The following PLD1 variants were observed in gnomAD, a reference collection of about 807,000 sequenced individuals.
PLD1 encodes the protein phospholipase D1.
Under a neutral mutation model 137.1 loss-of-function variants are expected in PLD1, and 112 were observed. That is an observed-to-expected ratio of 0.82 (90% CI 0.70 to 0.96). PLD1 has a LOEUF of 0.96. Ranked by LOEUF, PLD1 falls within the 40% of genes least tolerant of loss-of-function variation. The pLI is 0.00. For synonymous variants in PLD1, 431 were observed against 454.7 expected (o/e 0.95, Z 0.66); for missense variants, 1,321 against 1,342.0 (o/e 0.98, Z 0.24).
chr3:171,722,403 A>G (rs1349520424), intron 8 of PLD1, among the ~76,000 whole-genome samples: 1 of 152,190 alleles, frequency 6.6e-6, no homozygotes, highest in Non-Finnish European at 1.5e-5. Context: ...TTGTATAACC[A>G]TCACCACTAT....
At position 171,659,208 on chromosome 3, in the gene PLD1, G is replaced by GT; in HGVS notation, c.2429+4dup. 6.3e-7 allele frequency: 1 copy of GT among 1,596,380 alleles called. No homozygotes were observed. The highest frequency in any genetic ancestry group is 8.6e-7 in the Non-Finnish European group (1 of 1,163,780). ...CAGCGAGAACTCTCAGCCAAAGGCT[G>GT]TTACCTGTGAGCTTTCAGGATCCTC... On this transcript the variant is annotated splice_donor_region_variant and intron_variant, in intron 21 of 26. Coordinates refer to ENST00000351298, the MANE Select transcript of PLD1 (RefSeq NM_002662.5).
chr3:171,673,735 T>C (rs1560202700), intron 19 of PLD1, among the ~76,000 whole-genome samples: 4 of 152,252 alleles, frequency 2.6e-5, no homozygotes, highest in Non-Finnish European at 4.4e-5. Context: ...TCCCTACTGA[T>C]GGTCCCTACT....
chr3:171,787,844 T>C (rs1343645069), intron 1 of PLD1, among the ~76,000 whole-genome samples: 1 of 151,986 alleles, frequency 6.6e-6, no homozygotes, highest in Non-Finnish European at 1.5e-5. Flanking sequence ...CTTGGTTTTT[T>C]TTAAGAAAAA....
At chr3:171,762,588 T>C (rs894539645) in intron 1 of PLD1, among the ~76,000 whole-genome samples, 6 of 152,140 alleles carry the variant, frequency 3.9e-5, no homozygotes, top group African/African-American at 1.4e-4. Flanking sequence ...AGGTTGCCGC[T>C]GATAAAGCAC....
intron 11 of PLD1, among the ~76,000 whole-genome samples, chr3:171,700,301 G>A (rs542482960): frequency 6.8e-6 from 1 of 147,648 alleles, no homozygotes; most frequent in South Asian, 2.1e-4. Flanking sequence ...TTTCCTCCCT[G>A]AAACACACAC....
intron 6 of PLD1, among the ~76,000 whole-genome samples, chr3:171,731,623 T>C (rs1159315502): frequency 6.6e-6 from 1 of 151,870 alleles, no homozygotes; most frequent in Non-Finnish European, 1.5e-5. Context: ...CTACTAAAAA[T>C]ACAAAAATTT....
At chr3:171,630,905 C>T (rs1343399811) in intron 23 of PLD1, among the ~76,000 whole-genome samples, 1 of 150,500 alleles carries the variant, frequency 6.6e-6, no homozygotes. Flanking sequence ...GGGAGATATA[C>T]CTAATGCTAA....
intron 16 of PLD1, among the ~76,000 whole-genome samples, chr3:171,678,083 C>T (rs1430668408): frequency 1.4e-5 from 2 of 139,484 alleles, no homozygotes; most frequent in Admixed American, 7.3e-5. Context: ...GTGGGAAGGG[C>T]GGGGAGGGGA....
At chr3:171,795,002 G>A (rs1723375370) in intron 1 of PLD1, among the ~76,000 whole-genome samples, 1 of 152,158 alleles carries the variant, frequency 6.6e-6, no homozygotes, top group Non-Finnish European at 1.5e-5. Flanking sequence ...ACATTTTCTG[G>A]AGAGCTGGTT....
intron 22 of PLD1, 61 bp downstream of exon 22, chr3:171,644,849 T>G: frequency 1.1e-6 from 1 of 945,620 alleles, no homozygotes; most frequent in Non-Finnish European, 1.8e-6. Flanking sequence ...TGCCATTCCC[T>G]TCATCAGCTT....
chr3:171,688,748 G>A lies in PLD1; in HGVS notation c.1467C>T (p.Asp489=). ...GIDLAYGRWD[D]NEHRLTDVGS... is the part of the protein sequence containing the mutation. Reference sequence around the variant, plus strand: ...CCACGTCTGTGAGTCTGTGCTCATTGTCGTCCCACCTTCCATAGGCCAGGT... The same window carrying A: ...CCACGTCTGTGAGTCTGTGCTCATTATCGTCCCACCTTCCATAGGCCAGGT... Residue 489 remains aspartate, a synonymous_variant, in exon 14 of 27, where the codon GAC becomes GAT. Coordinates refer to ENST00000351298, the MANE Select transcript of PLD1 (RefSeq NM_002662.5). The A allele has an allele frequency of 6.2e-7, 1 of 1,614,118 alleles. No individual in the cohort carries two copies. Among genetic ancestry groups the A allele is most frequent in the South Asian group, 1.1e-5 (1 of 91,086 alleles).
intron 19 of PLD1, among the ~76,000 whole-genome samples, chr3:171,671,442 C>T (rs760747568): frequency 1.4e-4 from 21 of 152,126 alleles, no homozygotes; most frequent in Non-Finnish European, 2.9e-5. Context: ...TCGTGATGTC[C>T]CTTTGTCTCT....
At chr3:171,650,856 G>A (rs140921979) in intron 21 of PLD1, among the ~76,000 whole-genome samples, 57 of 152,054 alleles carry the variant, frequency 3.7e-4, no homozygotes, top group Non-Finnish European at 5.3e-4. Flanking sequence ...CCAAAATCGC[G>A]GCACTGCACT....
chr3:171,781,109 A>AAAT (rs1722780636), intron 1 of PLD1, among the ~76,000 whole-genome samples: 1 of 152,222 alleles, frequency 6.6e-6, no homozygotes, highest in Non-Finnish European at 1.5e-5. Flanking sequence ...GTACTAGTAC[A>AAAT]GGATCAACAA....
intron 1 of PLD1, among the ~76,000 whole-genome samples, chr3:171,791,006 A>G (rs978440299): frequency 6.6e-6 from 1 of 152,248 alleles, no homozygotes; most frequent in Non-Finnish European, 1.5e-5. Context: ...TGCTATGTAC[A>G]TAGGACACAT....
chr3:171,691,769 G>A (rs1167903636), intron 13 of PLD1, among the ~76,000 whole-genome samples: 1 of 152,080 alleles, frequency 6.6e-6, no homozygotes, highest in African/African-American at 2.4e-5. Flanking sequence ...CATATTTTAA[G>A]CCTGCTGGAG....
At chr3:171,625,045 A>C (rs868859108) in intron 23 of PLD1, among the ~76,000 whole-genome samples, 1 of 151,962 alleles carries the variant, frequency 6.6e-6, no homozygotes, top group South Asian at 2.1e-4. Flanking sequence ...ATTCAAAAAA[A>C]TAATCAAGAG....
intron 23 of PLD1, among the ~76,000 whole-genome samples, chr3:171,628,561 A>C (rs1255465363): frequency 6.6e-6 from 1 of 152,132 alleles, no homozygotes; most frequent in African/African-American, 2.4e-5. Flanking sequence ...ACAACCAAAA[A>C]AGAGAATTTT....
chr3:171,760,610 T>G (rs1214677567), intron 1 of PLD1, among the ~76,000 whole-genome samples: 1 of 152,108 alleles, frequency 6.6e-6, no homozygotes, highest in East Asian at 1.9e-4. Flanking sequence ...CACAGCAAAG[T>G]CTGGGGCAGT....
Sources: gnomAD v4.1 joint callset for allele counts (sites outside exome capture counted in the v4.1 genomes callset) on GRCh38, gnomAD v4.1.1 for gene constraint, MANE v1.5 for transcripts, NCBI Gene and HGNC (gene_info 2026-07-23, HGNC 2026-07-21) for gene names.